CPNE4: variants seen among roughly 807,000 people sequenced by gnomAD.
CPNE4 encodes the protein copine-4.
CPNE4 carries 25 observed loss-of-function variants against 67.9 expected under a neutral mutation model. That is an observed-to-expected ratio of 0.37 (90% CI 0.27 to 0.51). CPNE4 has a LOEUF of 0.51. CPNE4 is among the 20% of genes least tolerant of loss of function. The pLI is 0.93. For synonymous variants in CPNE4, 242 were observed against 244.9 expected (o/e 0.99, Z 0.11); for missense variants, 464 against 690.8 (o/e 0.67, Z 3.68).
intron 9 of CPNE4, among the ~76,000 whole-genome samples, chr3:131,575,476 C>G (rs1417573920): frequency 6.6e-6 from 1 of 152,134 alleles, no homozygotes; most frequent in African/African-American, 2.4e-5. Flanking sequence ...TGACTTCAGT[C>G]TTGCCTCCCT....
intron 3 of CPNE4, among the ~76,000 whole-genome samples, chr3:131,721,459 G>A (rs542448031): frequency 2.6e-4 from 37 of 140,340 alleles, no homozygotes; most frequent in Non-Finnish European, 4.8e-4. Context: ...GCACTGGCAC[G>A]ATCTCGGCTC....
chr3:131,611,981 G>C (rs1437287688), intron 7 of CPNE4, among the ~76,000 whole-genome samples: 1 of 152,068 alleles, frequency 6.6e-6, no homozygotes, highest in African/African-American at 2.4e-5. Context: ...AACCCAGAAG[G>C]GTCAGCTTCT....
At chr3:131,765,046 C>T (rs1322860799) in intron 2 of CPNE4, among the ~76,000 whole-genome samples, 1 of 152,096 alleles carries the variant, frequency 6.6e-6, no homozygotes, top group African/African-American at 2.4e-5. Flanking sequence ...CTGGTATTAT[C>T]TTCCCTTCAA....
At chr3:131,555,403 G>A (rs1245171880) in intron 12 of CPNE4, 94 bp downstream of exon 12, 5 of 1,068,376 alleles carry the variant, frequency 4.7e-6, no homozygotes, top group South Asian at 1.4e-5. Context: ...ACACAGTTAG[G>A]TCAGAGTCAG....
chr3:131,873,928 T>A (rs915930865), intron 2 of CPNE4, among the ~76,000 whole-genome samples: 1 of 152,088 alleles, frequency 6.6e-6, no homozygotes, highest in Non-Finnish European at 1.5e-5. Flanking sequence ...TAGATAACCT[T>A]CCCCTCCACC....
chr3:131,720,314 TCTCA>T (rs1242832296), intron 3 of CPNE4, among the ~76,000 whole-genome samples: 4 of 131,222 alleles, frequency 3.0e-5, no homozygotes, highest in African/African-American at 1.2e-4. Flanking sequence ...TGAGACGGAG[TCTCA>T]CTGTCACCCA....
intron 2 of CPNE4, among the ~76,000 whole-genome samples, chr3:131,885,741 C>A (rs2087858092): frequency 6.6e-6 from 1 of 151,940 alleles, no homozygotes; most frequent in Admixed American, 6.5e-5. Context: ...CTTCCTGTGT[C>A]CATGTGATCT....
At chr3:131,634,780 A>G (rs1392478167) in intron 7 of CPNE4, among the ~76,000 whole-genome samples, 2 of 152,204 alleles carry the variant, frequency 1.3e-5, no homozygotes, top group East Asian at 3.9e-4. Flanking sequence ...TATGTTTTAA[A>G]AGAGACTATC....
intron 2 of CPNE4, 66 bp from the exon 3 acceptor site, chr3:131,723,691 T>C: frequency 7.0e-7 from 1 of 1,419,008 alleles, no homozygotes; most frequent in Non-Finnish European, 9.7e-7. Flanking sequence ...TTCAAGAAAA[T>C]TCATCTCAGA....
chr3:131,609,195 C>A (rs1196615092), intron 7 of CPNE4, among the ~76,000 whole-genome samples: 2 of 152,166 alleles, frequency 1.3e-5, no homozygotes, highest in African/African-American at 4.8e-5. Context: ...GCTGCAACCA[C>A]TTCTATTTAA....
chr3:131,980,416 G>C (rs749577088), intron 1 of CPNE4, among the ~76,000 whole-genome samples: 37 of 152,002 alleles, frequency 2.4e-4, no homozygotes, highest in Non-Finnish European at 8.8e-5. Flanking sequence ...CTTTGTCTTT[G>C]TTGGATTGGG....
intron 1 of CPNE4, among the ~76,000 whole-genome samples, chr3:132,016,291 C>T (rs563090038): frequency 6.6e-6 from 1 of 152,184 alleles, no homozygotes; most frequent in Non-Finnish European, 1.5e-5. Flanking sequence ...CAGAAGCATG[C>T]TTTGGCTTAC....
chr3:131,809,735 C>A (rs551620072), intron 2 of CPNE4, among the ~76,000 whole-genome samples: 3 of 152,098 alleles, frequency 2.0e-5, no homozygotes, highest in Admixed American at 1.3e-4. Flanking sequence ...GGTAATATCA[C>A]CTGATAGGTT....
At chr3:131,756,750 T>G (rs1203138114) in intron 2 of CPNE4, among the ~76,000 whole-genome samples, 1 of 152,220 alleles carries the variant, frequency 6.6e-6, no homozygotes, top group Non-Finnish European at 1.5e-5. Context: ...TATGCTGATA[T>G]GCTTTGGCTG....
chr3:132,027,749 G>A (rs999907651), intron 1 of CPNE4, among the ~76,000 whole-genome samples: 5 of 152,106 alleles, frequency 3.3e-5, no homozygotes, highest in East Asian at 1.9e-4. Context: ...CAACTGCTCC[G>A]AAGATAACAA....
chr3:131,749,462 G>A (rs1253087769), intron 2 of CPNE4, among the ~76,000 whole-genome samples: 3 of 152,060 alleles, frequency 2.0e-5, no homozygotes, highest in African/African-American at 7.2e-5. Flanking sequence ...AACTTAATAA[G>A]ATTTTGTTTC....
chr3:131,782,426 CAT>C (rs756901314), intron 2 of CPNE4, among the ~76,000 whole-genome samples: 3 of 152,074 alleles, frequency 2.0e-5, no homozygotes, highest in South Asian at 2.1e-4. Flanking sequence ...GCACTTTAGA[CAT>C]ATATAAATTC....
At chr3:131,927,180 G>T (rs914956212) in intron 1 of CPNE4, among the ~76,000 whole-genome samples, 1 of 152,076 alleles carries the variant, frequency 6.6e-6, no homozygotes, top group Non-Finnish European at 1.5e-5. Context: ...AAGATTCAAA[G>T]AATCTTTTTT....
chr3:131,657,164 C>T (rs915995447), intron 7 of CPNE4, among the ~76,000 whole-genome samples: 6 of 152,148 alleles, frequency 3.9e-5, no homozygotes, highest in African/African-American at 1.2e-4. Context: ...TAAAGTTATA[C>T]ATGTTAAACT....
Sources: gnomAD v4.1 joint callset for allele counts (sites outside exome capture counted in the v4.1 genomes callset) on GRCh38, gnomAD v4.1.1 for gene constraint, MANE v1.5 for transcripts, NCBI Gene and HGNC (gene_info 2026-07-23, HGNC 2026-07-21) for gene names.